The following ALG14 variants were observed in gnomAD, a reference collection of about 807,000 sequenced individuals.
The protein encoded by ALG14 is UDP-N-acetylglucosamine transferase subunit ALG14.
In ALG14, 17 loss-of-function variants were observed where a neutral mutation model predicts 22.8. The observed-to-expected ratio is 0.75, with a 90% confidence interval of 0.51 to 1.12. The LOEUF is 1.12. Ranked by LOEUF, ALG14 falls within the 50% of genes most tolerant of loss-of-function variation. ALG14 has a pLI of 0.00. For synonymous variants in ALG14, 89 were observed against 103.7 expected (o/e 0.86, Z 0.86); for missense variants, 288 against 271.8 (o/e 1.06, Z -0.42).
At chr1:95,061,228 T>C (rs1182784827) in intron 2 of ALG14, among the ~76,000 whole-genome samples, 1 of 152,134 alleles carries the variant, frequency 6.6e-6, no homozygotes, top group Non-Finnish European at 1.5e-5. Flanking sequence ...AGTTTATGGG[T>C]GGCAAAAACC....
chr1:94,978,418 C>T lies in ALG14; in HGVS notation c.*4658G>A, dbSNP rs1007616435. On this transcript the variant is annotated 3_prime_UTR_variant, in exon 4 of 4. Transcript: ENST00000370205. ...TTTGTACAGAGCTGTGGTGTAAATA[C>T]TATCAAAAGTGGAACAAGGATACAA... 2 of 152,100 alleles carry T rather than the reference C, an allele frequency of 1.3e-5. No homozygotes were observed. Among genetic ancestry groups the T allele is most frequent in the African/African-American group, 4.8e-5 (2 of 41,394 alleles). The allele number at this position is 152,100 out of a possible 1,614,324, so 9.4% of individuals were successfully genotyped here.
At chr1:95,038,912 G>A (rs1051561480) in intron 2 of ALG14, among the ~76,000 whole-genome samples, 1 of 151,936 alleles carries the variant, frequency 6.6e-6, no homozygotes, top group African/African-American at 2.4e-5. Flanking sequence ...TCTAAAGACG[G>A]GGTCTTCCTA....
intron 3 of ALG14, among the ~76,000 whole-genome samples, chr1:95,015,350 G>T (rs964356710): frequency 1.3e-5 from 2 of 152,168 alleles, no homozygotes; most frequent in Non-Finnish European, 2.9e-5. Context: ...GCTCCACAGG[G>T]ATAATAAAGC....
At chr1:95,002,722 G>A (rs1317708563) in intron 3 of ALG14, among the ~76,000 whole-genome samples, 1 of 152,156 alleles carries the variant, frequency 6.6e-6, no homozygotes, top group African/African-American at 2.4e-5. Context: ...AGCAACGATA[G>A]TATCTACTGC....
chr1:94,985,650 A>C (rs1672623237), intron 3 of ALG14, among the ~76,000 whole-genome samples: 1 of 152,254 alleles, frequency 6.6e-6, no homozygotes, highest in Non-Finnish European at 1.5e-5. Flanking sequence ...TTCAACATCT[A>C]GTCAACTCTC....
chr1:94,998,340 C>A (rs1181002521), intron 3 of ALG14, among the ~76,000 whole-genome samples: 1 of 152,124 alleles, frequency 6.6e-6, no homozygotes, highest in Non-Finnish European at 1.5e-5. Context: ...CCTGCTGGCC[C>A]ACTATGGTGT....
chr1:95,042,771 C>T (rs948552629), intron 2 of ALG14, among the ~76,000 whole-genome samples: 69 of 152,212 alleles, frequency 4.5e-4, no homozygotes, highest in Admixed American at 5.9e-4. Flanking sequence ...ACTACACTTT[C>T]ACTGGACTCA....
chr1:95,016,625 G>A (rs2100755858), intron 3 of ALG14, among the ~76,000 whole-genome samples: 1 of 152,198 alleles, frequency 6.6e-6, no homozygotes, highest in Admixed American at 6.5e-5. Flanking sequence ...GGACTTTAAA[G>A]AAGAAGGTTC....
chr1:95,029,772 A>G (rs1194600894), intron 2 of ALG14, among the ~76,000 whole-genome samples: 1 of 152,216 alleles, frequency 6.6e-6, no homozygotes, highest in African/African-American at 2.4e-5. Context: ...GAAATGTGTG[A>G]CCACTCTGCT....
intron 2 of ALG14, among the ~76,000 whole-genome samples, chr1:95,028,118 T>C (rs901324956): frequency 3.3e-5 from 5 of 152,228 alleles, no homozygotes; most frequent in African/African-American, 4.8e-5. Flanking sequence ...AACAAAATAC[T>C]CACATGCATA....
chr1:95,027,516 T>C (rs999754853), intron 2 of ALG14, among the ~76,000 whole-genome samples: 1 of 152,222 alleles, frequency 6.6e-6, no homozygotes, highest in Non-Finnish European at 1.5e-5. Flanking sequence ...GAAGTTTCTA[T>C]AAACTATGTT....
At chr1:95,057,681 T>C (rs890036900) in intron 2 of ALG14, among the ~76,000 whole-genome samples, 4 of 150,240 alleles carry the variant, frequency 2.7e-5, no homozygotes, top group Non-Finnish European at 5.9e-5. Context: ...ATATATAATA[T>C]GAAAAAGGAT....
chr1:94,989,570 T>A (rs188414375), intron 3 of ALG14, among the ~76,000 whole-genome samples: 1 of 152,162 alleles, frequency 6.6e-6, no homozygotes, highest in African/African-American at 2.4e-5. Flanking sequence ...GAGACTCTGT[T>A]CTGGTAGCAA....
At position 94,983,360 on chromosome 1, in the gene ALG14, G is replaced by A. The variant is rs926252139; in HGVS notation, c.421-54C>T. On this transcript the variant is annotated intron_variant, in intron 3 of 3. Coordinates refer to ENST00000370205, the MANE Select transcript of ALG14 (RefSeq NM_144988.4). ...AAATACAGAATAATAATCTAAGGGA[G>A]GCATTTTGCATTAAGAACAGCCTGA... The A allele has an allele frequency of 4.7e-5, 70 of 1,477,268 alleles. 1 individual carries two copies. The South Asian group carries it at 7.7e-4, about 16-fold the overall frequency. 91.5% of individuals were successfully genotyped at this position (1,477,268 alleles called of 1,614,324 possible).
chr1:95,012,892 G>C (rs184158888), intron 3 of ALG14, among the ~76,000 whole-genome samples: 1 of 152,122 alleles, frequency 6.6e-6, no homozygotes, highest in Non-Finnish European at 1.5e-5. Context: ...CAGCACTTTG[G>C]GAGGCCGATG....
At chr1:95,040,529 G>A (rs1221445116) in intron 2 of ALG14, among the ~76,000 whole-genome samples, 4 of 152,266 alleles carry the variant, frequency 2.6e-5, no homozygotes, top group African/African-American at 9.6e-5. Flanking sequence ...TATGCTGTCC[G>A]TGGTGTGACT....
In ALG14 at chr1:95,062,682, C is replaced by A. The variant is rs961506670; in HGVS notation, c.288+2184G>T. Among the ~76,000 whole-genome samples the A allele has an allele frequency of 2.6e-5, 4 of 152,160 alleles. No homozygotes were observed. The South Asian group carries it at 8.3e-4, about 32-fold the overall frequency. Reference sequence around the variant, plus strand: ...TCATAGTGTATATGTACCACATTTTCTTTATCCATTCTATCATTGATGGGC... The same window carrying A: ...TCATAGTGTATATGTACCACATTTTATTTATCCATTCTATCATTGATGGGC... On this transcript the variant is annotated intron_variant, in intron 2 of 3. Coordinates refer to ENST00000370205, the MANE Select transcript of ALG14 (RefSeq NM_144988.4).
chr1:95,013,383 C>A (rs1673422947), intron 3 of ALG14, among the ~76,000 whole-genome samples: 1 of 151,768 alleles, frequency 6.6e-6, no homozygotes, highest in Non-Finnish European at 1.5e-5. Flanking sequence ...GTCGCCCAGG[C>A]TGGAGTGCAG....
intron 3 of ALG14, among the ~76,000 whole-genome samples, chr1:94,996,004 T>C (rs772195600): frequency 6.6e-6 from 1 of 152,232 alleles, no homozygotes; most frequent in Non-Finnish European, 1.5e-5. Flanking sequence ...ACTGCACTAA[T>C]GACGCTTTCC....
Sources: gnomAD v4.1 joint callset for allele counts (sites outside exome capture counted in the v4.1 genomes callset) on GRCh38, gnomAD v4.1.1 for gene constraint, MANE v1.5 for transcripts, NCBI Gene and HGNC (gene_info 2026-07-23, HGNC 2026-07-21) for gene names.